Variants in CAPN1 observed in about 807,000 individuals in gnomAD.
CAPN1 encodes calpain-1 catalytic subunit.
CAPN1 carries 77 observed loss-of-function variants against 105.2 expected under a neutral mutation model. That is an observed-to-expected ratio of 0.73 (90% CI 0.61 to 0.88). CAPN1 has a LOEUF of 0.88. Among genes scored for constraint, CAPN1 ranks in the 40% least tolerant of loss-of-function variants. The pLI, the probability that CAPN1 is intolerant of heterozygous loss-of-function variation, is 0.00. For missense variants in CAPN1, 833 were observed against 976.6 expected (o/e 0.85, Z 1.96); for synonymous variants, 355 against 388.8 (o/e 0.91, Z 1.02).
At chr11:65,194,860 T>A (rs2137348445) in intron 10 of CAPN1, among the ~76,000 whole-genome samples, 1 of 152,300 alleles carries the variant, frequency 6.6e-6, no homozygotes, top group South Asian at 2.1e-4. Flanking sequence ...TCAACATATG[T>A]TTTCAGTTCT....
chr11:65,184,315 A>T (rs1333082358), intron 4 of CAPN1, among the ~76,000 whole-genome samples: 1 of 151,996 alleles, frequency 6.6e-6, no homozygotes, highest in Non-Finnish European at 1.5e-5. Flanking sequence ...GTGCGGATCC[A>T]CTTTGGCCCA....
chr11:65,206,430 G>A (rs1948958313), intron 12 of CAPN1, 33 bp from the exon 13 acceptor site: 2 of 1,575,818 alleles, frequency 1.3e-6, no homozygotes, highest in East Asian at 4.5e-5. Context: ...TGAGTGGGCA[G>A]CTGCAGCCCT....
rs775100954 is a variant in CAPN1 at position 65,206,520 on chromosome 11, C to T, written c.1411C>T (p.Arg471Trp). 1.3e-5 allele frequency: 21 copies of T among 1,613,314 alleles called. No homozygotes were observed. The highest frequency in any genetic ancestry group is 5.3e-5 in the African/African-American group (4 of 74,936). The change falls in exon 13 of 22, where the codon CGG becomes TGG. Residue 471 changes from arginine to tryptophan, a missense_variant. By Grantham distance (101) the Arg-to-Trp change is moderately radical. Coordinates refer to ENST00000279247, the MANE Select transcript of CAPN1 (RefSeq NM_005186.4). ...KRDFFLANAS[R>W]ARSEQFINLR... ...TGACTTCTTCCTGGCCAATGCGTCT[C>T]GGGCGCGCTCAGAGCAGTTCATCAA... is the stretch of plus-strand genomic sequence containing the variant.
At chr11:65,183,058 G>A (rs1320812917) in intron 2 of CAPN1, 70 bp from the exon 3 acceptor site, 20 of 1,607,092 alleles carry the variant, frequency 1.2e-5, no homozygotes, top group Non-Finnish European at 1.4e-5. Flanking sequence ...TGGGGAATGG[G>A]GTCTGGGGTG....
rs1244758342 is a variant in CAPN1, at chr11:65,211,774, C to T, written c.*488C>T. ...CGCCTGTGCCTTCCTGCGCCGAAGC[C>T]AACGCCCCCTCTGTCCTTCCCTGGC... is the stretch of plus-strand genomic sequence containing the variant. On this transcript the variant is annotated 3_prime_UTR_variant, in exon 22 of 22. Coordinates refer to ENST00000279247, the MANE Select transcript of CAPN1 (RefSeq NM_005186.4). 1 of 166,464 alleles carries T rather than the reference C, an allele frequency of 6.0e-6. No homozygotes were observed. Among genetic ancestry groups the T allele is most frequent in the East Asian group, 1.7e-4 (1 of 6,034 alleles). 10.3% of individuals were successfully genotyped at this position (166,464 alleles called of 1,614,324 possible). A position where few individuals can be genotyped will look rare whatever the true frequency, so the allele number is the denominator to read the frequency against.
At chr11:65,205,986 C>A in intron 12 of CAPN1, 1 of 543,832 alleles carries the variant, frequency 1.8e-6, no homozygotes, top group Non-Finnish European at 3.3e-6. Flanking sequence ...CTTTTCCTGC[C>A]TTGCCATCTA....
chr11:65,204,907 T>G (rs1948931480), intron 11 of CAPN1, 49 bp downstream of exon 11: 1 of 1,526,632 alleles, frequency 6.6e-7, no homozygotes, highest in Non-Finnish European at 9.0e-7. Context: ...GCAGAGGACC[T>G]GGCGCCCCCG....
intron 14 of CAPN1, 33 bp downstream of exon 14, chr11:65,206,852 C>T (rs1180524930): frequency 1.9e-6 from 3 of 1,594,388 alleles, no homozygotes; most frequent in African/African-American, 2.7e-5. Flanking sequence ...GCCCCGTCCT[C>T]CTCTCTTCCT....
chr11:65,190,726 T>TTG (rs1241106951), intron 10 of CAPN1, among the ~76,000 whole-genome samples: 4,213 of 151,546 alleles, frequency 0.028, 192 homozygotes, highest in African/African-American at 0.095. Context: ...TTGTTTTTGT[T>TTG]TTTTGAGACG....
intron 12 of CAPN1, 81 bp downstream of exon 12, chr11:65,205,802 C>T (rs1948948587): frequency 7.4e-7 from 1 of 1,345,898 alleles, no homozygotes; most frequent in Non-Finnish European, 1.1e-6. Flanking sequence ...CAAACCCACC[C>T]TGGCCTGGAG....
In CAPN1 at chr11:65,204,993, C is replaced by G. The variant is rs17881454; in HGVS notation, c.1341+135C>G. 31,144 of 709,636 alleles carry G rather than the reference C, an allele frequency of 0.044. 857 individuals carry two copies. Among genetic ancestry groups the G allele is most frequent in the Non-Finnish European group, 0.058 (25,022 of 432,436 alleles). 44.0% of individuals were successfully genotyped at this position (709,636 alleles called of 1,614,324 possible). On this transcript the variant is annotated intron_variant, in intron 11 of 21. Coordinates refer to ENST00000279247, the MANE Select transcript of CAPN1 (RefSeq NM_005186.4). ...TCCCCACAAATTCCCCTCCACTCCC[C>G]CCACCATCCTGAGGGCTGGGAAATC...
At chr11:65,187,846 CGCACCACT>C in intron 7 of CAPN1, 101 bp from the exon 8 acceptor site, 1 of 726,886 alleles carries the variant, frequency 1.4e-6, no homozygotes, top group Non-Finnish European at 2.4e-6. Context: ...GAGCTGAGAT[CGCACCACT>C]GCACTCCAGC....
In CAPN1 at chr11:65,208,372, G is replaced by C; in HGVS notation, c.1729+110G>C. On this transcript the variant is annotated intron_variant, in intron 16 of 21. Transcript: ENST00000279247. This position sits in a 1 kb window ranked among gnomAD's most constrained non-coding sequence, Gnocchi z 4.1. ...TCATCCCTTGGTCTGCATGAGTCGGGGAATCCTCCAGTTTTTCTGAGCCCA... is the reference window on the plus strand; with the variant it reads ...TCATCCCTTGGTCTGCATGAGTCGGCGAATCCTCCAGTTTTTCTGAGCCCA... 1 of 1,073,040 alleles carries C rather than the reference G, an allele frequency of 9.3e-7. No individual in the cohort carries two copies. The highest frequency in any genetic ancestry group is 1.4e-5 in the South Asian group (1 of 72,912). The allele number at this position is 1,073,040 out of a possible 1,614,324, so 66.5% of individuals were successfully genotyped here.
chr11:65,202,317 T>C (rs1487209332), intron 10 of CAPN1, among the ~76,000 whole-genome samples: 2 of 152,222 alleles, frequency 1.3e-5, no homozygotes, highest in African/African-American at 4.8e-5. Context: ...TTTAAAAATA[T>C]CTTTATTGAT....
At chr11:65,187,064 GT>G in intron 6 of CAPN1, 150 bp from the exon 7 acceptor site, 1 of 627,126 alleles carries the variant, frequency 1.6e-6, no homozygotes, top group East Asian at 2.8e-5. Flanking sequence ...ATATGTGGGG[GT>G]GTCTATAGGT....
In CAPN1 at chr11:65,209,712, T is replaced by C. The variant is rs1038637049; in HGVS notation, c.1795-137T>C. On this transcript the variant is annotated intron_variant, in intron 17 of 21. Coordinates refer to ENST00000279247, the MANE Select transcript of CAPN1 (RefSeq NM_005186.4). This position sits in a 1 kb window ranked among gnomAD's most constrained non-coding sequence, Gnocchi z 4.1. ...GGCAAGCCCGGCTGTGGGCTGACTG[T>C]ACATGGCTTTTGCTGCTTCTCCTCA... 3.6e-5 allele frequency: 30 copies of C among 829,554 alleles called. No individual in the cohort carries two copies. Among genetic ancestry groups the C allele is most frequent in the Non-Finnish European group, 4.9e-5 (25 of 509,316 alleles). The allele number at this position is 829,554 out of a possible 1,614,324, so 51.4% of individuals were successfully genotyped here.
At chr11:65,206,757 C>G in intron 13 of CAPN1, 23 bp from the exon 14 acceptor site, 1 of 1,612,668 alleles carries the variant, frequency 6.2e-7, no homozygotes, top group Non-Finnish European at 8.5e-7. Flanking sequence ...CTGACTGGCT[C>G]CTTTCCTCCC....
Position 65,210,037 on chromosome 11 carries a change from A to G in CAPN1, c.1883A>G (p.Asp628Gly), listed in dbSNP as rs763575445. ...RNYLSIFRKF[D>G]LDKSGSMSAY... is the part of the protein sequence containing the mutation. ...CCTCAGTCCATCTTCCGGAAGTTTG[A>G]CCTGGACAAGTCGGGCAGCATGAGT... Residue 628 changes from aspartate (D) to glycine (G), a missense_variant, in exon 19 of 22, where the codon GAC becomes GGC. Asp to Gly is a moderately conservative substitution (Grantham distance 94, BLOSUM62 -1). Transcript: ENST00000279247. The surrounding 1 kb of genome is among the most constrained non-coding windows in gnomAD (Gnocchi z 4.3). 6.2e-7 allele frequency: 1 copy of G among 1,612,846 alleles called. No homozygotes were observed. The highest frequency in any genetic ancestry group is 8.5e-7 in the Non-Finnish European group (1 of 1,179,790).
chr11:65,186,470 A>G (rs748782745), intron 6 of CAPN1, 132 bp downstream of exon 6: 2 of 788,448 alleles, frequency 2.5e-6, no homozygotes, highest in Non-Finnish European at 3.9e-6. Context: ...CTGGATGCAT[A>G]CCCTGCCTCA....
Sources: gnomAD v4.1 joint callset for allele counts (sites outside exome capture counted in the v4.1 genomes callset) on GRCh38, gnomAD v4.1.1 for gene constraint, Gnocchi (gnomAD v3.1) non-coding constraint, MANE v1.5 for transcripts, NCBI Gene and HGNC (gene_info 2026-07-23, HGNC 2026-07-21) for gene names.